KNL1: variants seen among roughly 807,000 people sequenced by gnomAD.
The protein encoded by KNL1 is kinetochore scaffold 1.
In KNL1, 66 loss-of-function variants were observed where a neutral mutation model predicts 201.3. The ratio of observed to expected loss-of-function variants is 0.33; its 90% CI spans 0.27 to 0.40. KNL1 has a LOEUF of 0.40. Among genes scored for constraint, KNL1 ranks in the 10% least tolerant of loss-of-function variants. The pLI, the probability that KNL1 is intolerant of heterozygous loss-of-function variation, is 1.00. For synonymous variants in KNL1, 895 were observed against 899.2 expected (o/e 1.00, Z 0.08); for missense variants, 2,815 against 2,690.5 (o/e 1.05, Z -1.02).
Position 40,628,051 on chromosome 15 carries a change from C to T in KNL1, c.5377-19C>T. On this transcript the variant is annotated intron_variant, in intron 10 of 25. Transcript: ENST00000399668. ...GTGTATATTTTATTCTGATGATATT[C>T]CTTAATTGACAATTTCAGATTTTTG... 1.3e-6 allele frequency: 2 copies of T among 1,553,218 alleles called. No homozygotes were observed. Among genetic ancestry groups the T allele is most frequent in the Non-Finnish European group, 1.7e-6 (2 of 1,144,926 alleles).
Position 40,622,841 on chromosome 15 carries a change from TAA to T in KNL1, c.2578_2579del (p.Lys860AspfsTer9). On this transcript the variant is annotated frameshift_variant, in exon 10 of 26. Coordinates refer to ENST00000399668, the MANE Select transcript of KNL1 (RefSeq NM_144508.5). LOFTEE classifies it high-confidence loss of function. Reference protein sequence around the residue: ...RKSVGGPKIDKTIVFSEDDKN... With the variant: ...RKSVGGPKIDXTIVFSEDDKN... The stretch of plus-strand genomic sequence containing the variant: ...AAAGTGTTGGTGGACCAAAAATTGA[TAA>T]GACTATTGTATTTTCAGAAGACGAT... 6.2e-7 allele frequency: 1 copy of T among 1,613,584 alleles called. No individual in the cohort carries two copies. The highest frequency in any genetic ancestry group is 8.5e-7 in the Non-Finnish European group (1 of 1,179,732).
At chr15:40,628,785 C>G (rs757895822) in intron 12 of KNL1, 107 bp downstream of exon 12, 3 of 593,494 alleles carry the variant, frequency 5.1e-6, no homozygotes, top group South Asian at 5.3e-5. Context: ...TTTTTAATTA[C>G]GAAATATTTC....
At chr15:40,601,043 C>T (rs138206536) in intron 1 of KNL1, among the ~76,000 whole-genome samples, 2,805 of 152,284 alleles carry the variant, frequency 0.018, 31 homozygotes, top group Non-Finnish European at 0.028. Flanking sequence ...TGTCCCCAAC[C>T]CCCTGGGCCG....
intron 3 of KNL1, 90 bp downstream of exon 3, chr15:40,605,239 C>A: frequency 1.4e-6 from 1 of 713,708 alleles, no homozygotes; most frequent in Non-Finnish European, 2.5e-6. Flanking sequence ...CTTCACCATC[C>A]TACCCTTACT....
At chr15:40,644,005 G>A (rs893195080) in intron 14 of KNL1, among the ~76,000 whole-genome samples, 1 of 152,162 alleles carries the variant, frequency 6.6e-6, no homozygotes, top group Admixed American at 6.5e-5. Flanking sequence ...CGGATGGGAC[G>A]AGAGACTGAG....
At chr15:40,646,542 C>T (rs1373945494) in intron 16 of KNL1, among the ~76,000 whole-genome samples, 1 of 151,826 alleles carries the variant, frequency 6.6e-6, no homozygotes. Context: ...CAACCTAAAG[C>T]TTTGACCTTC....
Position 40,608,914 on chromosome 15 carries a change from T to A in KNL1, c.197+6T>A. ...AGCTTTGCAGATACTATAAAGTAAG[T>A]TGAAAGCAGAAATAACTAAAATATT... On this transcript the variant is annotated splice_donor_region_variant and intron_variant, in intron 5 of 25. Coordinates refer to ENST00000399668, the MANE Select transcript of KNL1 (RefSeq NM_144508.5). 6.2e-7 allele frequency: 1 copy of A among 1,601,422 alleles called. No homozygotes were observed. Among genetic ancestry groups the A allele is most frequent in the South Asian group, 1.1e-5 (1 of 90,782 alleles).
At chr15:40,658,554 T>G (rs993910792) in intron 24 of KNL1, among the ~76,000 whole-genome samples, 1 of 37,802 alleles carries the variant, frequency 2.6e-5, no homozygotes, top group Non-Finnish European at 5.1e-5. Context: ...AAAGAGAGAA[T>G]CTGTCTCAAA....
Position 40,657,385 on chromosome 15 carries a change from C to A in KNL1, c.6625C>A (p.His2209Asn), listed in dbSNP as rs1316672455. The part of the protein sequence containing the change: ...MLEEFSLVVH[H>N]CRLLGEEIEY... ...TGAAGAATTCTCACTGGTAGTGCAC[C>A]ATTGCAGACTCCTTGGAGAGGAGAT... The change falls in exon 24 of 26, where the codon CAT becomes AAT. Residue 2209 changes from histidine to asparagine, a missense_variant. Physicochemically the swap from His to Asn is moderately conservative, Grantham distance 68. Coordinates refer to ENST00000399668, the MANE Select transcript of KNL1 (RefSeq NM_144508.5). 1.2e-6 allele frequency: 2 copies of A among 1,607,460 alleles called. No homozygotes were observed. Among genetic ancestry groups the A allele is most frequent in the Non-Finnish European group, 8.5e-7 (1 of 1,174,092 alleles).
Position 40,620,982 on chromosome 15 carries a change from G to A in KNL1, c.718G>A (p.Glu240Lys). 1 of 1,604,596 alleles carries A rather than the reference G, an allele frequency of 6.2e-7. No individual in the cohort carries two copies. Among genetic ancestry groups the A allele is most frequent in the Non-Finnish European group, 8.5e-7 (1 of 1,177,376 alleles). ...TGATGTGCCTGATAAAGAAAATTTT[G>A]AGATACCTATTTATTCCAAGGAACC... ...FPDVPDKENF[E>K]IPIYSKEPNS... Residue 240 changes from glutamate to lysine, a missense_variant, in exon 10 of 26, where the codon GAG becomes AAG. By Grantham distance (56) the Glu-to-Lys change is moderately conservative. Around this residue, in one of 3 missense-constraint regions of KNL1, gnomAD observed 2,464 missense variants for 2,291.7 expected, o/e 1.08. Coordinates refer to ENST00000399668, the MANE Select transcript of KNL1 (RefSeq NM_144508.5).
chr15:40,658,247 A>G (rs71472448), intron 24 of KNL1, among the ~76,000 whole-genome samples: 2,779 of 151,676 alleles, frequency 0.018, 42 homozygotes, highest in Middle Eastern at 0.054. Context: ...GCCTGGGCAC[A>G]AAGAGACTCC....
chr15:40,627,989 AAGT>A lies in KNL1; in HGVS notation c.5377-76_5377-74del, dbSNP rs1480446001. 5.3e-5 allele frequency: 47 copies of A among 881,224 alleles called. No homozygotes were observed. The East Asian group carries it at 1.1e-3, about 20-fold the overall frequency. The allele number at this position is 881,224 out of a possible 1,614,324, so 54.6% of individuals were successfully genotyped here. A position where few individuals can be genotyped will look rare whatever the true frequency, so the allele number is the denominator to read the frequency against. On this transcript the variant is annotated intron_variant, in intron 10 of 25. Transcript: ENST00000399668. Reference sequence around the variant, plus strand: ...GAATTATAGATTAATTGTATGTTAGAAGTAGTATTTCTGTTAGTGTTTGTCGTA... The same window carrying A: ...GAATTATAGATTAATTGTATGTTAGAAGTATTTCTGTTAGTGTTTGTCGTA...
intron 25 of KNL1, among the ~76,000 whole-genome samples, chr15:40,661,298 C>A (rs1691429204): frequency 6.6e-6 from 1 of 152,010 alleles, no homozygotes; most frequent in African/African-American, 2.4e-5. Flanking sequence ...CAAGACCATC[C>A]TGGCCAACAT....
At chr15:40,609,098 T>A (rs1031447686) in intron 5 of KNL1, among the ~76,000 whole-genome samples, 190 bp downstream of exon 5, 1 of 152,064 alleles carries the variant, frequency 6.6e-6, no homozygotes, top group African/African-American at 2.4e-5. Flanking sequence ...AACAATGATA[T>A]CCAACTGTTA....
Position 40,624,853 on chromosome 15 carries a change from A to C in KNL1, c.4589A>C (p.Lys1530Thr), listed in dbSNP as rs1387931211. The change falls in exon 10 of 26, where the codon AAG becomes ACG. Residue 1530 changes from lysine (K) to threonine (T), a missense_variant. By Grantham distance (78) the Lys-to-Thr change is moderately conservative. Around this residue, in one of 3 missense-constraint regions of KNL1, gnomAD observed 2,464 missense variants for 2,291.7 expected, o/e 1.08. Transcript: ENST00000399668. Reference sequence around the variant, plus strand: ...TTCCACAGTAACTCAGACGTAACTAAGCAAGTCATTCAAACTCATGTCAAT... The same window carrying C: ...TTCCACAGTAACTCAGACGTAACTACGCAAGTCATTCAAACTCATGTCAAT... ...LDFHSNSDVT[K>T]QVIQTHVNAG... 2 of 1,612,866 alleles carry C rather than the reference A, an allele frequency of 1.2e-6. No individual in the cohort carries two copies. Among genetic ancestry groups the C allele is most frequent in the Non-Finnish European group, 1.7e-6 (2 of 1,179,828 alleles).
chr15:40,601,049 G>C (rs573577223), intron 1 of KNL1, among the ~76,000 whole-genome samples: 7 of 152,276 alleles, frequency 4.6e-5, no homozygotes, highest in Middle Eastern at 3.4e-3. Context: ...CAACCCCCTG[G>C]GCCGTGGAAC....
At chr15:40,658,574 AAAAAAG>A (rs1419164415) in intron 24 of KNL1, among the ~76,000 whole-genome samples, 1 of 150,094 alleles carries the variant, frequency 6.7e-6, no homozygotes, top group African/African-American at 2.4e-5. Context: ...AAAAAAAAAA[AAAAAAG>A]AAAGAAAGAA....
intron 14 of KNL1, among the ~76,000 whole-genome samples, chr15:40,642,043 C>T (rs192377058): frequency 7.1e-4 from 108 of 152,230 alleles, no homozygotes; most frequent in African/African-American, 2.5e-3. Context: ...ATAAAATAGT[C>T]TTTAAGAATT....
At chr15:40,649,911 A>AT (rs1362037667) in intron 17 of KNL1, among the ~76,000 whole-genome samples, 1 of 151,996 alleles carries the variant, frequency 6.6e-6, no homozygotes, top group African/African-American at 2.4e-5. Context: ...TATTATAGTT[A>AT]TTTTGTATAG....
Sources: allele counts gnomAD v4.1 joint callset (sites outside exome capture counted in the v4.1 genomes callset), GRCh38; gene constraint gnomAD v4.1.1; regional missense constraint gnomAD v4.1.1; transcripts MANE v1.5; gene names NCBI Gene and HGNC (gene_info 2026-07-23, HGNC 2026-07-21).